The following EXOSC1 variants were observed in gnomAD, a reference collection of about 807,000 sequenced individuals.
EXOSC1 encodes the protein exosome component 1.
A neutral mutation model predicts 31.4 loss-of-function variants in EXOSC1; 27 were observed. That is an observed-to-expected ratio of 0.86 (90% confidence interval 0.63 to 1.18). The LOEUF (loss-of-function observed/expected upper bound fraction) is 1.18, where lower values mean the gene tolerates loss of function less well. Ranked by LOEUF, EXOSC1 falls within the 50% of genes most tolerant of loss-of-function variation. EXOSC1 has a pLI of 0.00. For synonymous variants in EXOSC1, 84 were observed against 89.5 expected, an observed-to-expected ratio of 0.94 and a Z score of 0.35; for missense variants, 228 against 250.3, an observed-to-expected ratio of 0.91 and a Z score of 0.60.
At chr10:97,441,359 C>T in intron 3 of EXOSC1, 100 bp from the exon 4 acceptor site, 1 of 866,794 alleles carries the variant, frequency 1.2e-6, no homozygotes, top group South Asian at 1.5e-5. Context: ...TGCAAGCAAC[C>T]CTACTAAGTA....
At position 97,436,475 on chromosome 10, in the gene EXOSC1, G is replaced by A; in HGVS notation, c.558C>T (p.Ala186=). The change falls in exon 8 of 8, where the codon GCC becomes GCT. Residue 186 remains alanine (A), a synonymous_variant. Coordinates refer to ENST00000370902, the MANE Select transcript of EXOSC1 (RefSeq NM_016046.5). ...TCTGCAAGAATTCGGGTTGTACTCGGGCTACTTTCCGGAATTCTTTAGTGT... is the reference window on the plus strand; with the variant it reads ...TCTGCAAGAATTCGGGTTGTACTCGAGCTACTTTCCGGAATTCTTTAGTGT... The part of the protein sequence containing the change: ...KTHTKEFRKV[A]RVQPEFLQT The A allele has an allele frequency of 6.2e-7, 1 of 1,613,282 alleles. No individual in the cohort carries two copies. Among genetic ancestry groups the A allele is most frequent in the Non-Finnish European group, 8.5e-7 (1 of 1,179,694 alleles).
intron 2 of EXOSC1, chr10:97,445,271 G>C (rs1416428531): frequency 6.3e-6 from 1 of 159,760 alleles, no homozygotes; most frequent in Non-Finnish European, 1.4e-5. Flanking sequence ...AAAGCTTGGC[G>C]CATTACCGAC....
At chr10:97,439,970 C>CTTTTT (rs957127403) in intron 4 of EXOSC1, among the ~76,000 whole-genome samples, 1 of 139,652 alleles carries the variant, frequency 7.2e-6, no homozygotes, top group Non-Finnish European at 1.6e-5. Flanking sequence ...ATGCCTTCTA[C>CTTTTT]TTTTTTTTTT....
intron 7 of EXOSC1, 29 bp downstream of exon 7, chr10:97,437,162 G>C: frequency 6.3e-7 from 1 of 1,592,900 alleles, no homozygotes; most frequent in South Asian, 1.1e-5. Context: ...TCCAGGGAAA[G>C]TAAGGATGTG....
intron 2 of EXOSC1, 49 bp from the exon 3 acceptor site, chr10:97,443,360 T>TC: frequency 1.3e-6 from 2 of 1,543,102 alleles, no homozygotes; most frequent in Non-Finnish European, 1.8e-6. Context: ...AACCCTTGGG[T>TC]CAAGGCATTT....
intron 4 of EXOSC1, chr10:97,440,893 C>A (rs1430825378): frequency 4.1e-6 from 1 of 243,674 alleles, no homozygotes; most frequent in Non-Finnish European, 8.0e-6. Context: ...CTCAAGAGAT[C>A]CACCCGCCTC....
intron 2 of EXOSC1, 116 bp downstream of exon 2, chr10:97,445,616 C>A: frequency 1.1e-6 from 1 of 883,246 alleles, no homozygotes; most frequent in African/African-American, 1.7e-5. Flanking sequence ...ACTAAGAGAC[C>A]AACATTGTAC....
intron 4 of EXOSC1, among the ~76,000 whole-genome samples, chr10:97,439,781 C>T (rs1845656845): frequency 6.6e-6 from 1 of 152,250 alleles, no homozygotes; most frequent in Admixed American, 6.5e-5. Flanking sequence ...TGCTGCACTA[C>T]AGAACCACAT....
At chr10:97,445,634 G>T in intron 2 of EXOSC1, 98 bp downstream of exon 2, 1 of 1,058,882 alleles carries the variant, frequency 9.4e-7, no homozygotes, top group Non-Finnish European at 1.4e-6. Flanking sequence ...TACCACTGAG[G>T]CACTAAAGAC....
chr10:97,441,286 C>G (rs375460439), intron 3 of EXOSC1, 27 bp from the exon 4 acceptor site: 82 of 1,604,046 alleles, frequency 5.1e-5, no homozygotes, highest in South Asian at 2.0e-4. Context: ...AGATCAGCAT[C>G]AGAGTATAAG....
chr10:97,437,821 G>C (rs1845591907), intron 5 of EXOSC1, 71 bp from the exon 6 acceptor site: 2 of 1,278,794 alleles, frequency 1.6e-6, no homozygotes, highest in Non-Finnish European at 2.3e-6. Flanking sequence ...GAACGCTTCT[G>C]GTAAAGCCAA....
intron 6 of EXOSC1, among the ~76,000 whole-genome samples, chr10:97,437,491 G>A (rs968842209): frequency 2.0e-5 from 3 of 152,090 alleles, no homozygotes; most frequent in Non-Finnish European, 4.4e-5. Flanking sequence ...GGGATTACAG[G>A]CATGTGCCAC....
At chr10:97,437,098 G>T in intron 7 of EXOSC1, 93 bp downstream of exon 7, 1 of 1,114,706 alleles carries the variant, frequency 9.0e-7, no homozygotes, top group Non-Finnish European at 1.4e-6. Context: ...TAGCCATACT[G>T]CTTCCCAGAT....
chr10:97,441,045 C>T (rs1845697972), intron 4 of EXOSC1, 126 bp downstream of exon 4: 1 of 724,512 alleles, frequency 1.4e-6, no homozygotes, highest in Non-Finnish European at 2.3e-6. Context: ...AATCAAAGCA[C>T]AAAGAAGAAA....
In EXOSC1 at chr10:97,443,324, C is replaced by G; in HGVS notation, c.148-13G>C. ...ACACCACTGGAAGCTACAGAGGGAA[C>G]AACAAAAAACTGAAATGTCCTGACT... On this transcript the variant is annotated splice_polypyrimidine_tract_variant and intron_variant, in intron 2 of 7. Coordinates refer to ENST00000370902, the MANE Select transcript of EXOSC1 (RefSeq NM_016046.5). 6.2e-7 allele frequency: 1 copy of G among 1,610,302 alleles called. No homozygotes were observed. The highest frequency in any genetic ancestry group is 8.5e-7 in the Non-Finnish European group (1 of 1,178,488).
rs1243967684 is a variant in EXOSC1 at position 97,435,962 on chromosome 10, ATCTG to A, written c.*479_*482del. 6.6e-6 allele frequency among the ~76,000 whole-genome samples: 1 copy of A among 152,102 alleles called. No individual in the cohort carries two copies. The highest frequency in any genetic ancestry group is 2.4e-5 in the African/African-American group (1 of 41,416). Reference sequence around the variant, plus strand: ...AGCCACCATGCCTGCCTCACATGCTATCTGTATCACCACGTGTCCTCAAATTTTC... The same window carrying A: ...AGCCACCATGCCTGCCTCACATGCTATATCACCACGTGTCCTCAAATTTTC... On this transcript the variant is annotated 3_prime_UTR_variant, in exon 8 of 8. Coordinates refer to ENST00000370902, the MANE Select transcript of EXOSC1 (RefSeq NM_016046.5).
In EXOSC1 at chr10:97,438,683, G is replaced by A. The variant is rs2133145493; in HGVS notation, c.332C>T (p.Thr111Ile). Residue 111 changes from threonine (T) to isoleucine (I), a missense_variant, in exon 5 of 8, where the codon ACT becomes ATT. Physicochemically the swap from Thr to Ile is moderately conservative, Grantham distance 89. Coordinates refer to ENST00000370902, the MANE Select transcript of EXOSC1 (RefSeq NM_016046.5). ...CCAACCAACAACCTTGTCTTTTTCA[G>A]TTGCTCGGACATCTTCCTTGCTATA... ...GTIRKEDVRA[T>I]EKDKVEIYKS... is the part of the protein sequence containing the mutation. The A allele has an allele frequency of 6.2e-7, 1 of 1,609,772 alleles. No individual in the cohort carries two copies. The highest frequency in any genetic ancestry group is 8.5e-7 in the Non-Finnish European group (1 of 1,178,246).
chr10:97,442,139 C>T (rs575772778), intron 3 of EXOSC1, among the ~76,000 whole-genome samples: 86 of 150,968 alleles, frequency 5.7e-4, no homozygotes, highest in Non-Finnish European at 8.8e-4. Context: ...GATCGTGCCA[C>T]TGCACTCCAG....
At chr10:97,437,858 AATC>A in intron 5 of EXOSC1, 108 bp from the exon 6 acceptor site, 1 of 876,546 alleles carries the variant, frequency 1.1e-6, no homozygotes, top group Non-Finnish European at 1.9e-6. Context: ...GGAGGGTAGA[AATC>A]ATCATTACTC....
Sources: gnomAD v4.1 joint callset for allele counts (sites outside exome capture counted in the v4.1 genomes callset) on GRCh38, gnomAD v4.1.1 for gene constraint, MANE v1.5 for transcripts, NCBI Gene and HGNC (gene_info 2026-07-23, HGNC 2026-07-21) for gene names.